CORIN: variants seen among roughly 807,000 people sequenced by gnomAD.
The protein encoded by CORIN is atrial natriuretic peptide-converting enzyme.
CORIN carries 117 observed loss-of-function variants against 125.3 expected under a neutral mutation model. The ratio of observed to expected loss-of-function variants is 0.93; its 90% CI spans 0.80 to 1.09. The LOEUF is 1.09. CORIN is among the 50% of genes least tolerant of loss of function. The pLI is 0.00. For synonymous variants in CORIN, 450 were observed against 466.4 expected, an observed-to-expected ratio of 0.96 and a Z score of 0.45; for missense variants, 1,253 against 1,306.7, an observed-to-expected ratio of 0.96 and a Z score of 0.63.
At chr4:47,698,204 C>G (rs903181003) in intron 5 of CORIN, among the ~76,000 whole-genome samples, 1 of 151,578 alleles carries the variant, frequency 6.6e-6, no homozygotes, top group African/African-American at 2.4e-5. Flanking sequence ...TTAATAAATG[C>G]TATGAAGAAG....
intron 2 of CORIN, among the ~76,000 whole-genome samples, chr4:47,805,008 C>T (rs377343464): frequency 1.5e-4 from 23 of 150,958 alleles, no homozygotes; most frequent in African/African-American, 4.6e-4. Flanking sequence ...TGGTGGCGGG[C>T]GCCTGTAGTC....
chr4:47,690,049 A>G (rs570549123), intron 6 of CORIN, among the ~76,000 whole-genome samples: 1 of 152,318 alleles, frequency 6.6e-6, no homozygotes. Flanking sequence ...CAAATACTTA[A>G]GAAGAGATTG....
chr4:47,674,248 A>T, intron 10 of CORIN, 145 bp downstream of exon 10: 1 of 628,018 alleles, frequency 1.6e-6, no homozygotes, highest in Non-Finnish European at 2.8e-6. Flanking sequence ...TACTGCTACC[A>T]CATGCGACCT....
chr4:47,669,863 C>T (rs1416902367), intron 10 of CORIN, among the ~76,000 whole-genome samples: 1 of 152,192 alleles, frequency 6.6e-6, no homozygotes, highest in East Asian at 1.9e-4. Flanking sequence ...GCCACCGCAC[C>T]CGGCTTCTTT....
chr4:47,789,251 C>A (rs534165141), intron 2 of CORIN, among the ~76,000 whole-genome samples: 3 of 152,176 alleles, frequency 2.0e-5, no homozygotes, highest in East Asian at 1.9e-4. Context: ...TTGCAGTGAG[C>A]CGAGTTTGCA....
At chr4:47,669,156 A>C (rs1724622728) in intron 10 of CORIN, among the ~76,000 whole-genome samples, 1 of 152,194 alleles carries the variant, frequency 6.6e-6, no homozygotes, top group Admixed American at 6.5e-5. Flanking sequence ...CTGTCAAAGA[A>C]AAAAATCCTG....
intron 1 of CORIN, among the ~76,000 whole-genome samples, chr4:47,809,737 G>A (rs1731979086): frequency 6.6e-6 from 1 of 152,142 alleles, no homozygotes; most frequent in Non-Finnish European, 1.5e-5. Context: ...AAAGGGAGAG[G>A]AGGAAGAAAT....
At position 47,603,454 on chromosome 4, in the gene CORIN, A is replaced by T. The variant is rs774725940; in HGVS notation, c.2755T>A (p.Trp919Arg). 4 of 1,614,068 alleles carry T rather than the reference A, an allele frequency of 2.5e-6. No homozygotes were observed. The African/African-American group carries it at 5.3e-5, about 22-fold the overall frequency. ...RPVCLPNPEQ[W>R]LEPDTYCYIT... ...TAGCAGTACGTGTCAGGCTCTAGCC[A>T]CTGCTCCGGGTTGGGCAAGCAGACA... Residue 919 changes from tryptophan (W) to arginine (R), a missense_variant, in exon 20 of 22, where the codon TGG becomes AGG. Transcript: ENST00000273857.
chr4:47,677,725 C>A (rs1225543396), intron 9 of CORIN, among the ~76,000 whole-genome samples: 1 of 152,186 alleles, frequency 6.6e-6, no homozygotes, highest in African/African-American at 2.4e-5. Flanking sequence ...AGGTGTCTCA[C>A]CTGAGGAATG....
Position 47,629,931 on chromosome 4 carries a change from C to T in CORIN, c.2199-3410G>A, listed in dbSNP as rs548908131. On this transcript the variant is annotated intron_variant, in intron 16 of 21. Coordinates refer to ENST00000273857, the MANE Select transcript of CORIN (RefSeq NM_006587.4). ...ATGCCCAAGGCACAAAACAAGCAGA[C>T]GGCAAAGCTGGTAATTTAATCCCTA... Among the ~76,000 whole-genome samples, 21 of 152,140 alleles carry T rather than the reference C, an allele frequency of 1.4e-4. No homozygotes were observed. The South Asian group carries it at 1.9e-3, about 14-fold the overall frequency.
At chr4:47,819,023 T>A (rs1732392591) in intron 1 of CORIN, among the ~76,000 whole-genome samples, 1 of 152,124 alleles carries the variant, frequency 6.6e-6, no homozygotes, top group African/African-American at 2.4e-5. Context: ...ACAGTTATTA[T>A]AGGTGAGTAC....
intron 2 of CORIN, among the ~76,000 whole-genome samples, chr4:47,797,557 G>T (rs1436827885): frequency 6.6e-6 from 1 of 152,022 alleles, no homozygotes; most frequent in East Asian, 1.9e-4. Context: ...GGGCTATGGG[G>T]TTATGGATCA....
chr4:47,837,740 G>T, intron 1 of CORIN, 147 bp downstream of exon 1: 1 of 806,352 alleles, frequency 1.2e-6, no homozygotes, highest in Non-Finnish European at 2.2e-6. Flanking sequence ...GCGCGGAACT[G>T]TCAGAGCGGG....
At chr4:47,804,281 A>G (rs1044666681) in intron 2 of CORIN, among the ~76,000 whole-genome samples, 4 of 152,220 alleles carry the variant, frequency 2.6e-5, no homozygotes, top group Non-Finnish European at 5.9e-5. Context: ...TACAACCACT[A>G]TAAAGAACAG....
At chr4:47,776,026 G>A (rs1473141841) in intron 3 of CORIN, among the ~76,000 whole-genome samples, 1 of 138,728 alleles carries the variant, frequency 7.2e-6, no homozygotes, top group African/African-American at 2.6e-5. Context: ...CCAAGTAGCT[G>A]GGGGTTTTTT....
chr4:47,829,252 G>A (rs1297529455), intron 1 of CORIN, among the ~76,000 whole-genome samples: 1 of 148,784 alleles, frequency 6.7e-6, no homozygotes, highest in African/African-American at 2.5e-5. Flanking sequence ...GATACATTGA[G>A]TTAAGCTATC....
intron 1 of CORIN, among the ~76,000 whole-genome samples, chr4:47,826,287 G>A (rs772290887): frequency 2.0e-4 from 31 of 152,348 alleles, no homozygotes; most frequent in Non-Finnish European, 4.1e-4. Flanking sequence ...GCTTGGAAAT[G>A]ATGTGAATAT....
chr4:47,812,880 A>T (rs1391014820), intron 1 of CORIN, among the ~76,000 whole-genome samples: 1 of 152,264 alleles, frequency 6.6e-6, no homozygotes, highest in Non-Finnish European at 1.5e-5. Context: ...TATGCAAATA[A>T]CTACTTCTTA....
intron 5 of CORIN, among the ~76,000 whole-genome samples, chr4:47,721,632 G>T (rs1205813983): frequency 6.6e-6 from 1 of 152,112 alleles, no homozygotes; most frequent in African/African-American, 2.4e-5. Context: ...TCCTCTTGGG[G>T]TTACGGTTTC....
Sources: allele counts gnomAD v4.1 joint callset (sites outside exome capture counted in the v4.1 genomes callset), GRCh38; gene constraint gnomAD v4.1.1; transcripts MANE v1.5; gene names NCBI Gene and HGNC (gene_info 2026-07-23, HGNC 2026-07-21).